TET1: variants seen among roughly 807,000 people sequenced by gnomAD.
TET1 encodes methylcytosine dioxygenase TET1.
TET1 carries 13 observed loss-of-function variants against 148.7 expected under a neutral mutation model. The ratio of observed to expected loss-of-function variants is 0.09; its 90% CI spans 0.06 to 0.14. The LOEUF is 0.14. Among genes scored for constraint, TET1 ranks in the 10% least tolerant of loss-of-function variants. The pLI is 1.00. For synonymous variants in TET1, 907 were observed against 937.2 expected (o/e 0.97, Z 0.59); for missense variants, 2,182 against 2,553.8 (o/e 0.85, Z 3.14).
chr10:68,629,074 T>C (rs1466374067), intron 3 of TET1, among the ~76,000 whole-genome samples: 2 of 152,162 alleles, frequency 1.3e-5, no homozygotes, highest in Non-Finnish European at 1.5e-5. Context: ...ACTAAAAATT[T>C]AGCATGTATG....
At chr10:68,656,745 G>A (rs2055027116) in intron 6 of TET1, among the ~76,000 whole-genome samples, 1 of 152,194 alleles carries the variant, frequency 6.6e-6, no homozygotes, top group Non-Finnish European at 1.5e-5. Context: ...GTATTTTAGG[G>A]CTGGGTGAGG....
intron 11 of TET1, 38 bp downstream of exon 11, chr10:68,686,745 T>G: frequency 6.4e-7 from 1 of 1,556,304 alleles, no homozygotes; most frequent in Non-Finnish European, 8.7e-7. Flanking sequence ...TGCACAACTT[T>G]GATGGATAGA....
chr10:68,643,548 C>T (rs769364332), intron 3 of TET1, among the ~76,000 whole-genome samples: 4 of 152,000 alleles, frequency 2.6e-5, no homozygotes, highest in African/African-American at 4.8e-5. Context: ...TGGCTGTGCA[C>T]GGTGGCTCAC....
At chr10:68,580,793 A>AT (rs1271323655) in intron 2 of TET1, among the ~76,000 whole-genome samples, 1 of 126,520 alleles carries the variant, frequency 7.9e-6, no homozygotes, top group African/African-American at 2.9e-5. Flanking sequence ...AAAAAAAAAA[A>AT]AAAAAAAAAA....
chr10:68,604,683 G>A (rs954851048), intron 3 of TET1, among the ~76,000 whole-genome samples: 13 of 152,182 alleles, frequency 8.5e-5, no homozygotes, highest in African/African-American at 3.1e-4. Context: ...TCTGGGATGT[G>A]TAAGAAGGTT....
chr10:68,562,744 T>G (rs1232774425), intron 1 of TET1, among the ~76,000 whole-genome samples: 1 of 152,118 alleles, frequency 6.6e-6, no homozygotes, highest in Non-Finnish European at 1.5e-5. Context: ...CCACTGTCCC[T>G]GCCCTTTGTT....
rs767739222 is a variant in TET1, at chr10:68,601,066, T to A, written c.1968+32T>A. 7.7e-6 allele frequency: 12 copies of A among 1,562,366 alleles called. No individual in the cohort carries two copies. In the East Asian group the frequency reaches 2.7e-4, roughly 35 times the overall value. ...AGCTGTTGATTAAATAATATTTCAT[T>A]ATTTTTCCATTTCATATAGTATTTT... On this transcript the variant is annotated intron_variant, in intron 3 of 11. Coordinates refer to ENST00000373644, the MANE Select transcript of TET1 (RefSeq NM_030625.3).
At chr10:68,658,650 C>T (rs1006136875) in intron 6 of TET1, among the ~76,000 whole-genome samples, 1 of 152,154 alleles carries the variant, frequency 6.6e-6, no homozygotes, top group East Asian at 1.9e-4. Context: ...TAGTCTTTGG[C>T]AGAGATTTTT....
At chr10:68,560,941 T>C (rs989420598) in intron 1 of TET1, among the ~76,000 whole-genome samples, 199 bp downstream of exon 1, 4 of 152,176 alleles carry the variant, frequency 2.6e-5, no homozygotes, top group Non-Finnish European at 5.9e-5. Flanking sequence ...GACGCTTTTG[T>C]TGCCGGAGAT....
Position 68,596,043 on chromosome 10 carries a change from T to TATAC in TET1, c.1915-4937_1915-4936insTACA, listed in dbSNP as rs1385431976. ...ACACACACACATATATATATATATA[T>TATAC]ACACATTTTTTTTTTGAGACAGTCT... On this transcript the variant is annotated intron_variant, in intron 2 of 11. Coordinates refer to ENST00000373644, the MANE Select transcript of TET1 (RefSeq NM_030625.3). 8.4e-5 allele frequency among the ~76,000 whole-genome samples: 11 copies of TATAC among 131,146 alleles called. 1 individual carries two copies. In the South Asian group the frequency reaches 1.5e-3, roughly 17 times the overall value. The allele number at this position is 131,146 out of a possible 152,430, so 86.0% of individuals were successfully genotyped here. A position where few individuals can be genotyped will look rare whatever the true frequency, so the allele number is the denominator to read the frequency against.
At position 68,684,247 on chromosome 10, in the gene TET1, T is replaced by C. The variant is rs575379393; in HGVS notation, c.5052+1274T>C. Among the ~76,000 whole-genome samples the C allele has an allele frequency of 7.2e-5, 11 of 152,054 alleles. No individual in the cohort carries two copies. In the South Asian group the frequency reaches 2.3e-3, roughly 32 times the overall value. On this transcript the variant is annotated intron_variant, in intron 10 of 11. Transcript: ENST00000373644. ...AAAATATACAATTTTTAAAAAATAA[T>C]TTTTTTTAGGTTTAGCTACAGCCTC... is the stretch of plus-strand genomic sequence containing the variant.
intron 3 of TET1, among the ~76,000 whole-genome samples, chr10:68,641,594 G>C (rs1435039933): frequency 6.6e-6 from 1 of 152,050 alleles, no homozygotes; most frequent in Non-Finnish European, 1.5e-5. Context: ...CGCCTCCCGG[G>C]TTCAAGCGAT....
intron 2 of TET1, among the ~76,000 whole-genome samples, chr10:68,582,582 C>G (rs900058240): frequency 6.6e-5 from 10 of 152,098 alleles, no homozygotes; most frequent in African/African-American, 1.7e-4. Flanking sequence ...TATGTGCAGG[C>G]CTTTCCATGT....
intron 3 of TET1, among the ~76,000 whole-genome samples, chr10:68,620,914 T>C (rs1377165753): frequency 6.6e-6 from 1 of 152,204 alleles, no homozygotes; most frequent in Non-Finnish European, 1.5e-5. Context: ...TTTAACATCT[T>C]TTCATGTGCC....
rs561866270 is a variant in TET1 at position 68,636,424 on chromosome 10, C to G, written c.1969-8274C>G. ...CCTGGACAGATGAGGGTGGAGTTCTCGTTTGGGGTAGGAATGAGAAAATTA... is the reference window on the plus strand; with the variant it reads ...CCTGGACAGATGAGGGTGGAGTTCTGGTTTGGGGTAGGAATGAGAAAATTA... On this transcript the variant is annotated intron_variant, in intron 3 of 11. Transcript: ENST00000373644. Among the ~76,000 whole-genome samples the G allele has an allele frequency of 2.1e-4, 32 of 152,196 alleles. No homozygotes were observed. In the South Asian group the frequency reaches 6.6e-3, roughly 32 times the overall value.
At chr10:68,597,668 A>G (rs2054004005) in intron 2 of TET1, among the ~76,000 whole-genome samples, 3 of 152,226 alleles carry the variant, frequency 2.0e-5, no homozygotes, top group South Asian at 4.1e-4. Flanking sequence ...TCATAGCAGT[A>G]ATATTCATAA....
At chr10:68,591,096 C>A (rs1002512307) in intron 2 of TET1, among the ~76,000 whole-genome samples, 18 of 152,114 alleles carry the variant, frequency 1.2e-4, no homozygotes, top group African/African-American at 4.3e-4. Flanking sequence ...CTCAGGTGAT[C>A]CACCTGCCTC....
At chr10:68,656,097 T>C (rs1305764703) in intron 6 of TET1, among the ~76,000 whole-genome samples, 1 of 152,160 alleles carries the variant, frequency 6.6e-6, no homozygotes, top group African/African-American at 2.4e-5. Context: ...TGGGACCGTC[T>C]AGTTTTAGGA....
chr10:68,607,756 T>A (rs901670253), intron 3 of TET1, among the ~76,000 whole-genome samples: 1 of 149,478 alleles, frequency 6.7e-6, no homozygotes, highest in African/African-American at 2.4e-5. Context: ...AATAATGGAA[T>A]GTCTTGCAAT....
Sources: gnomAD v4.1 joint callset for allele counts (sites outside exome capture counted in the v4.1 genomes callset) on GRCh38, gnomAD v4.1.1 for gene constraint, MANE v1.5 for transcripts, NCBI Gene and HGNC (gene_info 2026-07-23, HGNC 2026-07-21) for gene names.